Variants in ASIC2 observed in about 807,000 individuals in gnomAD.
The protein encoded by ASIC2 is acid-sensing ion channel 2.
In ASIC2, 25 loss-of-function variants were observed where a neutral mutation model predicts 57.3. That is an observed-to-expected ratio of 0.44 (90% CI 0.32 to 0.61). The LOEUF is 0.61. Among genes scored for constraint, ASIC2 ranks in the 20% least tolerant of loss-of-function variants. The pLI is 0.06. For missense variants in ASIC2, 641 were observed against 738.1 expected (o/e 0.87, Z 1.52); for synonymous variants, 319 against 307.5 (o/e 1.04, Z -0.39).
At chr17:33,866,277 C>T (rs12952694) in intron 1 of ASIC2, among the ~76,000 whole-genome samples, 11,324 of 152,148 alleles carry the variant, frequency 0.074, 527 homozygotes, top group Admixed American at 0.12. Context: ...CTTTTCTGTA[C>T]CAATTTACAC....
At chr17:33,066,651 A>G (rs1467278757) in intron 3 of ASIC2, among the ~76,000 whole-genome samples, 1 of 152,204 alleles carries the variant, frequency 6.6e-6, no homozygotes, top group East Asian at 1.9e-4. Context: ...AGGAAAAGTG[A>G]CTTTACCAAG....
At chr17:33,709,217 A>G (rs1908952803) in intron 1 of ASIC2, among the ~76,000 whole-genome samples, 1 of 152,122 alleles carries the variant, frequency 6.6e-6, no homozygotes, top group African/African-American at 2.4e-5. Context: ...GTTTTTCCTC[A>G]TAGTCTTCTT....
chr17:33,353,220 T>C (rs139613951), intron 1 of ASIC2, among the ~76,000 whole-genome samples: 72 of 152,332 alleles, frequency 4.7e-4, no homozygotes, highest in African/African-American at 1.5e-3. Context: ...TCCCTTAAAG[T>C]GCATTTTACT....
intron 1 of ASIC2, among the ~76,000 whole-genome samples, chr17:33,978,447 C>T (rs545433919): frequency 6.6e-6 from 1 of 152,280 alleles, no homozygotes; most frequent in East Asian, 1.9e-4. Context: ...TGCCCTATCC[C>T]TGGACTTTAG....
At chr17:33,854,343 CAT>C (rs1468071989) in intron 1 of ASIC2, among the ~76,000 whole-genome samples, 1 of 152,138 alleles carries the variant, frequency 6.6e-6, no homozygotes, top group East Asian at 1.9e-4. Context: ...TCAAGGTAAA[CAT>C]GTGTGGCATT....
intron 1 of ASIC2, among the ~76,000 whole-genome samples, chr17:33,237,747 C>T (rs1220155483): frequency 6.6e-6 from 1 of 152,212 alleles, no homozygotes; most frequent in African/African-American, 2.4e-5. Context: ...ACGAGGTATG[C>T]AAGTGGCACA....
intron 2 of ASIC2, among the ~76,000 whole-genome samples, chr17:33,098,027 T>A (rs1567743722): frequency 6.6e-6 from 1 of 152,286 alleles, no homozygotes; most frequent in South Asian, 2.1e-4. Context: ...TGACTCTTAG[T>A]CCCACTACCT....
chr17:33,825,027 G>A lies in ASIC2; in HGVS notation c.555+330951C>T, dbSNP rs564747716. Among the ~76,000 whole-genome samples the A allele has an allele frequency of 5.9e-5, 9 of 152,206 alleles. No homozygotes were observed. The East Asian group carries it at 7.7e-4, about 13-fold the overall frequency. ...ATGTGCACGTCTCTCTCCCCGTCTCGCTCTCTACTTCTATCTCTGTATGTA... is the reference window on the plus strand; with the variant it reads ...ATGTGCACGTCTCTCTCCCCGTCTCACTCTCTACTTCTATCTCTGTATGTA... On this transcript the variant is annotated intron_variant, in intron 1 of 9. Transcript: ENST00000359872.
chr17:33,180,978 A>C (rs1044029318), intron 1 of ASIC2, among the ~76,000 whole-genome samples: 4 of 152,170 alleles, frequency 2.6e-5, no homozygotes, highest in African/African-American at 9.7e-5. Flanking sequence ...TCCTTCGGCA[A>C]TTCAGAGAAC....
chr17:33,646,923 G>C (rs114254413), intron 1 of ASIC2, among the ~76,000 whole-genome samples: 2,233 of 152,198 alleles, frequency 0.015, 51 homozygotes, highest in African/African-American at 0.05. Context: ...GGGCAGAGCT[G>C]GGGGAGAGCG....
Position 33,985,629 on chromosome 17 carries a change from T to C in ASIC2, c.555+170349A>G, listed in dbSNP as rs142063001. 1.4e-4 allele frequency among the ~76,000 whole-genome samples: 22 copies of C among 152,350 alleles called. No individual in the cohort carries two copies. The East Asian group carries it at 4.0e-3, about 28-fold the overall frequency. ...CAGGGAAAGAGGGCAGAGTGTAATATGCTTAAGGCTGTTAAGAGGCTTTAC... is the reference window on the plus strand; with the variant it reads ...CAGGGAAAGAGGGCAGAGTGTAATACGCTTAAGGCTGTTAAGAGGCTTTAC... On this transcript the variant is annotated intron_variant, in intron 1 of 9. Coordinates refer to the ASIC2 transcript ENST00000359872.
Position 33,256,535 on chromosome 17 carries a change from T to A in ASIC2, c.708+34873A>T, listed in dbSNP as rs142152171. Among the ~76,000 whole-genome samples the A allele has an allele frequency of 4.3e-3, 662 of 152,342 alleles. 4 individuals are homozygous for A. Among genetic ancestry groups the A allele is most frequent in the African/African-American group, 0.015 (626 of 41,578 alleles). On this transcript the variant is annotated intron_variant, in intron 1 of 9. Transcript: ENST00000225823. Reference sequence around the variant, plus strand: ...AATGAATTGGCATAAAAAATTTTACTGTAGGGCCAGGCACGGTGGCTCACA... The same window carrying A: ...AATGAATTGGCATAAAAAATTTTACAGTAGGGCCAGGCACGGTGGCTCACA...
intron 1 of ASIC2, among the ~76,000 whole-genome samples, chr17:33,188,376 G>C (rs1906284621): frequency 6.6e-6 from 1 of 152,072 alleles, no homozygotes; most frequent in Admixed American, 6.6e-5. Flanking sequence ...TGGAAGAAGG[G>C]AAGGGAGAGA....
chr17:33,441,662 C>T (rs1033085135), intron 1 of ASIC2, among the ~76,000 whole-genome samples: 18 of 152,136 alleles, frequency 1.2e-4, no homozygotes, highest in African/African-American at 4.3e-4. Context: ...CAGTGGTGCC[C>T]TCTCTCTACC....
At chr17:34,013,465 G>A (rs1906842767) in intron 1 of ASIC2, among the ~76,000 whole-genome samples, 1 of 152,224 alleles carries the variant, frequency 6.6e-6, no homozygotes, top group African/African-American at 2.4e-5. Context: ...AGACCCTTGA[G>A]GAGAGAGGTT....
chr17:34,102,166 C>A (rs1372695502), intron 1 of ASIC2, among the ~76,000 whole-genome samples: 1 of 151,678 alleles, frequency 6.6e-6, no homozygotes, highest in African/African-American at 2.4e-5. Flanking sequence ...CCTGTCTCTA[C>A]TAAATATACA....
intron 1 of ASIC2, among the ~76,000 whole-genome samples, chr17:33,376,361 T>TC (rs1909277475): frequency 1.1e-5 from 1 of 91,064 alleles, no homozygotes; most frequent in Admixed American, 1.0e-4. Context: ...ATTGTCCATT[T>TC]CTTTTTTTTT....
chr17:33,477,234 C>A (rs1913259779), intron 1 of ASIC2, among the ~76,000 whole-genome samples: 1 of 152,156 alleles, frequency 6.6e-6, no homozygotes. Flanking sequence ...CACCAAATTT[C>A]TCCCCCAAAT....
chr17:33,122,214 GC>G (rs1567752870), intron 1 of ASIC2, among the ~76,000 whole-genome samples: 1 of 152,164 alleles, frequency 6.6e-6, no homozygotes, highest in Non-Finnish European at 1.5e-5. Context: ...GCTTCCTGCA[GC>G]CCTTCCTGTT....
Sources: gnomAD v4.1 joint callset for allele counts (sites outside exome capture counted in the v4.1 genomes callset) on GRCh38, gnomAD v4.1.1 for gene constraint, MANE v1.5 for transcripts, NCBI Gene and HGNC (gene_info 2026-07-23, HGNC 2026-07-21) for gene names.